TNKS: variants seen among roughly 807,000 people sequenced by gnomAD.
The protein encoded by TNKS is poly [ADP-ribose] polymerase tankyrase-1.
Under a neutral mutation model 135.8 loss-of-function variants are expected in TNKS, and 72 were observed. The observed-to-expected ratio is 0.53, with a 90% CI of 0.44 to 0.64. The LOEUF (loss-of-function observed/expected upper bound fraction) is 0.64, where lower values mean the gene tolerates loss of function less well. TNKS is among the 30% of genes least tolerant of loss of function. TNKS has a pLI of 0.00. For synonymous variants in TNKS, 849 were observed against 649.3 expected (o/e 1.31, Z -4.68); for missense variants, 1,769 against 1,674.0 (o/e 1.06, Z -0.99).
At chr8:9,751,009 ACTT>A (rs1263504750) in intron 18 of TNKS, among the ~76,000 whole-genome samples, 2 of 152,172 alleles carry the variant, frequency 1.3e-5, no homozygotes, top group African/African-American at 4.8e-5. Context: ...TCAGAATGTC[ACTT>A]CTTCTCCATT....
intron 17 of TNKS, among the ~76,000 whole-genome samples, chr8:9,736,256 G>A (rs1041447228): frequency 2.0e-5 from 3 of 150,012 alleles, no homozygotes; most frequent in East Asian, 2.0e-4. Flanking sequence ...AGTGGCATGC[G>A]CCTGTAATCC....
chr8:9,648,762 C>T (rs947569016), intron 3 of TNKS, among the ~76,000 whole-genome samples: 3 of 152,104 alleles, frequency 2.0e-5, no homozygotes, highest in Admixed American at 6.5e-5. Context: ...TTGACCAAAA[C>T]GTCATTATGT....
intron 2 of TNKS, among the ~76,000 whole-genome samples, chr8:9,605,591 A>C (rs528096105): frequency 2.6e-5 from 4 of 152,258 alleles, no homozygotes; most frequent in East Asian, 1.9e-4. Context: ...TGGTTAAACC[A>C]TTCATTTGTA....
At chr8:9,578,457 C>G (rs1798043119) in intron 1 of TNKS, among the ~76,000 whole-genome samples, 1 of 152,190 alleles carries the variant, frequency 6.6e-6, no homozygotes, top group Non-Finnish European at 1.5e-5. Context: ...CAAAATTGAT[C>G]TTTTCACCTA....
chr8:9,782,094 T>G lies in TNKS; in HGVS notation c.*5358T>G, dbSNP rs1808479005. ...TCTAAATCTGGCAATCCTACAGCTGTGGTCATGGGAAATCACCTACAGCAT... is the reference window on the plus strand; with the variant it reads ...TCTAAATCTGGCAATCCTACAGCTGGGGTCATGGGAAATCACCTACAGCAT... On this transcript the variant is annotated 3_prime_UTR_variant, in exon 27 of 27. Transcript: ENST00000310430. The G allele has an allele frequency of 6.6e-6, 1 of 152,454 alleles. No homozygotes were observed. The highest frequency in any genetic ancestry group is 2.4e-5 in the African/African-American group (1 of 41,456). 9.4% of individuals were successfully genotyped at this position (152,454 alleles called of 1,614,324 possible).
At chr8:9,723,823 C>G (rs931073292) in intron 12 of TNKS, among the ~76,000 whole-genome samples, 1 of 152,142 alleles carries the variant, frequency 6.6e-6, no homozygotes, top group African/African-American at 2.4e-5. Flanking sequence ...TTGGCCATTT[C>G]TTTTAAGTTC....
At chr8:9,661,449 T>C (rs1252680890) in intron 3 of TNKS, among the ~76,000 whole-genome samples, 1 of 152,096 alleles carries the variant, frequency 6.6e-6, no homozygotes, top group Non-Finnish European at 1.5e-5. Context: ...AACTATCTGA[T>C]TTTTGACAAG....
intron 25 of TNKS, among the ~76,000 whole-genome samples, chr8:9,769,560 T>A (rs929112386): frequency 6.6e-6 from 1 of 151,990 alleles, no homozygotes; most frequent in Non-Finnish European, 1.5e-5. Flanking sequence ...CTCAGTTTTT[T>A]CTCTGGTTTT....
In TNKS at chr8:9,615,666, C is replaced by A; in HGVS notation, c.983C>A (p.Ala328Asp). The A allele has an allele frequency of 6.2e-7, 1 of 1,612,050 alleles. No homozygotes were observed. The highest frequency in any genetic ancestry group is 8.5e-7 in the Non-Finnish European group (1 of 1,178,912). Residue 328 changes from alanine to aspartate, a missense_variant, in exon 3 of 27, where the codon GCT becomes GAT. Around this residue, in one of 5 missense-constraint regions of TNKS, gnomAD observed 523 missense variants for 541.0 expected, o/e 0.97. Coordinates refer to ENST00000310430, the MANE Select transcript of TNKS (RefSeq NM_003747.3). ...GACCTGGCAGATCCTTCAGCAAAAGCTGTCCTTACAGGTAAGAAGACAGAG... is the reference window on the plus strand; with the variant it reads ...GACCTGGCAGATCCTTCAGCAAAAGATGTCCTTACAGGTAAGAAGACAGAG... ...ALDLADPSAK[A>D]VLTGEYKKDE...
intron 20 of TNKS, among the ~76,000 whole-genome samples, chr8:9,756,048 A>C (rs1386085304): frequency 6.6e-6 from 1 of 152,198 alleles, no homozygotes; most frequent in African/African-American, 2.4e-5. Context: ...AGGTAGGAAC[A>C]CTTTTTATAT....
intron 3 of TNKS, among the ~76,000 whole-genome samples, chr8:9,670,439 A>G (rs1802224001): frequency 6.6e-6 from 1 of 152,102 alleles, no homozygotes; most frequent in South Asian, 2.1e-4. Context: ...GTTTATATTA[A>G]TTTTCTTATC....
chr8:9,571,435 G>A lies in TNKS; in HGVS notation c.674-8724G>A, dbSNP rs539925570. Reference sequence around the variant, plus strand: ...TGATCTGCTTATCTTCATGATTTCTGGGGCAGAAAGTTAGTTGATTCCACG... The same window carrying A: ...TGATCTGCTTATCTTCATGATTTCTAGGGCAGAAAGTTAGTTGATTCCACG... On this transcript the variant is annotated intron_variant, in intron 1 of 26. Coordinates refer to ENST00000310430, the MANE Select transcript of TNKS (RefSeq NM_003747.3). Among the ~76,000 whole-genome samples the A allele has an allele frequency of 3.3e-5, 5 of 152,186 alleles. No individual in the cohort carries two copies. In the East Asian group the frequency reaches 7.7e-4, roughly 24 times the overall value.
Position 9,574,091 on chromosome 8 carries a change from C to G in TNKS, c.674-6068C>G, listed in dbSNP as rs140250119. Among the ~76,000 whole-genome samples the G allele has an allele frequency of 3.6e-3, 550 of 152,270 alleles. 3 individuals are homozygous for G. Among genetic ancestry groups the G allele is most frequent in the African/African-American group, 0.012 (511 of 41,546 alleles). On this transcript the variant is annotated intron_variant, in intron 1 of 26. Coordinates refer to ENST00000310430, the MANE Select transcript of TNKS (RefSeq NM_003747.3). ...AATTGTTAAGTATATTGGGGTTAGG[C>G]TATGTGTTAGGAATTTGGGTTTCTT...
chr8:9,721,753 A>G (rs1028088496), intron 12 of TNKS, among the ~76,000 whole-genome samples: 9 of 152,120 alleles, frequency 5.9e-5, no homozygotes, highest in African/African-American at 1.4e-4. Flanking sequence ...CCAAAAATCT[A>G]TATAAAACGC....
Position 9,752,549 on chromosome 8 carries a change from G to A in TNKS, c.3076G>A (p.Gly1026Ser). ...GTERKEGEVA[G>S]LDMNISQFLK... ...TTAATATGTTTCTGTTTTAGTTGCT[G>A]GTCTTGACATGAATATCAGCCAATT... Residue 1026 changes from glycine (G) to serine (S), a missense_variant, in exon 20 of 27, where the codon GGT (glycine) becomes AGT (serine). Gly to Ser is a moderately conservative substitution (Grantham distance 56). Transcript: ENST00000310430. 6.2e-7 allele frequency: 1 copy of A among 1,610,704 alleles called. No individual in the cohort carries two copies. Among genetic ancestry groups the A allele is most frequent in the African/African-American group, 1.3e-5 (1 of 74,894 alleles).
intron 3 of TNKS, among the ~76,000 whole-genome samples, chr8:9,653,491 C>G (rs912693091): frequency 6.6e-6 from 1 of 151,804 alleles, no homozygotes; most frequent in Non-Finnish European, 1.5e-5. Flanking sequence ...GTGAGGGCCT[C>G]GTACTGGGTC....
intron 2 of TNKS, among the ~76,000 whole-genome samples, chr8:9,591,165 T>A (rs759581134): frequency 1.3e-5 from 2 of 152,356 alleles, no homozygotes; most frequent in Middle Eastern, 3.4e-3. Context: ...TTTATAATCT[T>A]TTATTTCTGT....
chr8:9,636,670 A>C (rs28635251), intron 3 of TNKS, among the ~76,000 whole-genome samples: 2,728 of 152,276 alleles, frequency 0.018, 69 homozygotes, highest in African/African-American at 0.062. Context: ...TTTTGAAGCA[A>C]ATGATATCTG....
chr8:9,648,727 C>G (rs544460047), intron 3 of TNKS, among the ~76,000 whole-genome samples: 11 of 152,200 alleles, frequency 7.2e-5, no homozygotes, highest in African/African-American at 1.9e-4. Flanking sequence ...TGTTATGGGA[C>G]TACTGTTGTA....
Sources: allele counts gnomAD v4.1 joint callset (sites outside exome capture counted in the v4.1 genomes callset), GRCh38; gene constraint gnomAD v4.1.1; regional missense constraint gnomAD v4.1.1; transcripts MANE v1.5; gene names NCBI Gene and HGNC (gene_info 2026-07-23, HGNC 2026-07-21).